The following CEP70 variants were observed in gnomAD, a reference collection of about 807,000 sequenced individuals.
CEP70 encodes centrosomal protein of 70 kDa.
CEP70 carries 70 observed loss-of-function variants against 90.9 expected under a neutral mutation model. The observed-to-expected ratio is 0.77, with a 90% CI of 0.64 to 0.94. The LOEUF is 0.94. Ranked by LOEUF, CEP70 falls within the 40% of genes least tolerant of loss-of-function variation. The probability of loss-of-function intolerance (pLI) is 0.00; values close to 1 mark genes in which losing one functional copy is unlikely to be tolerated. For synonymous variants in CEP70, 220 were observed against 228.3 expected, an observed-to-expected ratio of 0.96 and a Z score of 0.33; for missense variants, 648 against 669.0, an observed-to-expected ratio of 0.97 and a Z score of 0.35.
At position 138,521,995 on chromosome 3, in the gene CEP70, T is replaced by G. The variant is rs1350934407; in HGVS notation, c.944+3495A>C. ...ATCTATAACCTTACCCCCAACCCCT[T>G]GCTCTCTGAAACGTGCTGTGTCAAC... On this transcript the variant is annotated intron_variant, in intron 11 of 17. Transcript: ENST00000264982. Among the ~76,000 whole-genome samples, 4 of 152,196 alleles carry G rather than the reference T, an allele frequency of 2.6e-5. No homozygotes were observed. In the East Asian group the frequency reaches 7.7e-4, roughly 29 times the overall value.
At chr3:138,566,799 T>TA (rs1168341247) in intron 6 of CEP70, among the ~76,000 whole-genome samples, 1 of 149,016 alleles carries the variant, frequency 6.7e-6, no homozygotes, top group Non-Finnish European at 1.5e-5. Flanking sequence ...CCCCAGAACT[T>TA]AAAGTATATA....
At chr3:138,503,338 A>C (rs150940433) in intron 13 of CEP70, among the ~76,000 whole-genome samples, 4 of 152,164 alleles carry the variant, frequency 2.6e-5, no homozygotes, top group Admixed American at 1.3e-4. Context: ...CCATGTTGCA[A>C]GGGTCAGAAT....
intron 6 of CEP70, among the ~76,000 whole-genome samples, chr3:138,566,513 T>C (rs1252241971): frequency 6.6e-6 from 1 of 151,874 alleles, no homozygotes; most frequent in Non-Finnish European, 1.5e-5. Context: ...GAGGAGTGCA[T>C]GTCCTTTGAA....
chr3:138,531,697 CCTTT>C (rs2037826950), intron 8 of CEP70: 1 of 112,674 alleles, frequency 8.9e-6, no homozygotes, highest in Non-Finnish European at 1.9e-5. Context: ...TTCTTCTTTT[CCTTT>C]TTTTTTTTTT....
Position 138,527,496 on chromosome 3 carries a change from C to T in CEP70, c.869+1703G>A, listed in dbSNP as rs183855096. ...GATCACGAGGTCAGGAGATCGAGAC[C>T]ATCCTGGCTAACATGGTGAAACCCC... On this transcript the variant is annotated intron_variant, in intron 10 of 17. Coordinates refer to ENST00000264982, the MANE Select transcript of CEP70 (RefSeq NM_024491.4). 4.7e-3 allele frequency among the ~76,000 whole-genome samples: 720 copies of T among 151,714 alleles called. 4 individuals carry two copies. Among genetic ancestry groups the T allele is most frequent in the African/African-American group, 0.017 (694 of 41,378 alleles).
chr3:138,572,785 T>G, intron 3 of CEP70, 74 bp downstream of exon 3: 6 of 975,888 alleles, frequency 6.1e-6, no homozygotes, highest in African/African-American at 1.6e-5. Context: ...TAAAGTCAAA[T>G]TTTCCTGTTT....
At chr3:138,509,684 T>A (rs1560293742) in intron 11 of CEP70, among the ~76,000 whole-genome samples, 5 of 152,138 alleles carry the variant, frequency 3.3e-5, no homozygotes, top group Admixed American at 2.0e-4. Flanking sequence ...TAAATAAGTT[T>A]TTTTATTTTA....
In CEP70 at chr3:138,510,856, CTTTTTTTT is replaced by C. The variant is rs869032871; in HGVS notation, c.945-2320_945-2313del. ...CCCACAAATTTAATGCTTTTTCCATCTTTTTTTTTTTTTTTTTTTTTTGAGACGGAGTC... is the reference window on the plus strand; with the variant it reads ...CCCACAAATTTAATGCTTTTTCCATCTTTTTTTTTTTTTTGAGACGGAGTC... On this transcript the variant is annotated intron_variant, in intron 11 of 17. Transcript: ENST00000264982. Among the ~76,000 whole-genome samples the C allele has an allele frequency of 2.8e-5, 3 of 107,020 alleles. No homozygotes were observed. The South Asian group carries it at 1.1e-3, about 39-fold the overall frequency. The allele number at this position is 107,020 out of a possible 152,430, so 70.2% of individuals were successfully genotyped here.
intron 7 of CEP70, among the ~76,000 whole-genome samples, chr3:138,533,942 G>A (rs1425491398): frequency 1.3e-5 from 2 of 151,816 alleles, no homozygotes; most frequent in Admixed American, 6.6e-5. Context: ...CTGCCACCAC[G>A]CCCAGCTAAT....
chr3:138,511,633 G>A (rs998596180), intron 11 of CEP70, among the ~76,000 whole-genome samples: 8 of 152,178 alleles, frequency 5.3e-5, no homozygotes, highest in African/African-American at 1.9e-4. Context: ...AATGAAATGT[G>A]ATTTCATTAA....
At chr3:138,581,832 C>T (rs144583700) in intron 2 of CEP70, among the ~76,000 whole-genome samples, 215 of 151,690 alleles carry the variant, frequency 1.4e-3, no homozygotes, top group African/African-American at 5.0e-3. Context: ...AAAACTAAGC[C>T]GATTTAACCC....
At chr3:138,518,880 C>T (rs1401706827) in intron 11 of CEP70, among the ~76,000 whole-genome samples, 1 of 152,108 alleles carries the variant, frequency 6.6e-6, no homozygotes, top group African/African-American at 2.4e-5. Flanking sequence ...GATCAAACTA[C>T]TCCGAGCTAA....
At chr3:138,550,349 G>T (rs1560389653) in intron 6 of CEP70, among the ~76,000 whole-genome samples, 1 of 152,136 alleles carries the variant, frequency 6.6e-6, no homozygotes, top group Non-Finnish European at 1.5e-5. Flanking sequence ...TCAGTGAAAA[G>T]ATTGCATACA....
chr3:138,592,061 C>T (rs2042410092), intron 1 of CEP70, 105 bp from the exon 2 acceptor site: 1 of 532,044 alleles, frequency 1.9e-6, no homozygotes. Context: ...TACTGGTAAT[C>T]ACAGATAAAG....
intron 2 of CEP70, among the ~76,000 whole-genome samples, chr3:138,586,023 A>G (rs559383760): frequency 6.6e-6 from 1 of 152,328 alleles, no homozygotes; most frequent in East Asian, 1.9e-4. Flanking sequence ...GCAAAAATAG[A>G]CAGGTGGGGT....
intron 11 of CEP70, among the ~76,000 whole-genome samples, chr3:138,523,392 A>C (rs1466015501): frequency 6.6e-6 from 1 of 152,152 alleles, no homozygotes; most frequent in Non-Finnish European, 1.5e-5. Flanking sequence ...AGGCAGGAGA[A>C]GGAAATAAAG....
Position 138,500,899 on chromosome 3 carries a change from C to T in CEP70, c.1222-18G>A. On this transcript the variant is annotated intron_variant, in intron 13 of 17. Coordinates refer to ENST00000264982, the MANE Select transcript of CEP70 (RefSeq NM_024491.4). The stretch of plus-strand genomic sequence containing the variant: ...TACAAATCCTTTATAACAAAAGAAA[C>T]TATATGGTATTATTGATTTAAATAA... The T allele has an allele frequency of 7.4e-7, 1 of 1,358,542 alleles. No individual in the cohort carries two copies. Among genetic ancestry groups the T allele is most frequent in the Non-Finnish European group, 9.9e-7 (1 of 1,006,586 alleles). The allele number at this position is 1,358,542 out of a possible 1,614,324, so 84.2% of individuals were successfully genotyped here. A position where few individuals can be genotyped will look rare whatever the true frequency, so the allele number is the denominator to read the frequency against.
chr3:138,582,358 G>C (rs2041906977), intron 2 of CEP70, among the ~76,000 whole-genome samples: 1 of 152,130 alleles, frequency 6.6e-6, no homozygotes, highest in African/African-American at 2.4e-5. Flanking sequence ...CATAGTCCCA[G>C]CTACTCGGGA....
At position 138,524,495 on chromosome 3, in the gene CEP70, A is replaced by AT. The variant is rs2037006368; in HGVS notation, c.944+994dup. On this transcript the variant is annotated intron_variant, in intron 11 of 17. Coordinates refer to ENST00000264982, the MANE Select transcript of CEP70 (RefSeq NM_024491.4). ...CAGGCGACCTACAGAATGGGAGAAA[A>AT]TTTTTGCAATCTACTCATCTGACAA... Among the ~76,000 whole-genome samples, 7 of 152,258 alleles carry AT rather than the reference A, an allele frequency of 4.6e-5. 1 individual carries two copies. The South Asian group carries it at 1.5e-3, about 32-fold the overall frequency.
Sources: allele counts gnomAD v4.1 joint callset (sites outside exome capture counted in the v4.1 genomes callset), GRCh38; gene constraint gnomAD v4.1.1; transcripts MANE v1.5; gene names NCBI Gene and HGNC (gene_info 2026-07-23, HGNC 2026-07-21).